CBFA2T3: variants seen among roughly 807,000 people sequenced by gnomAD.
CBFA2T3 encodes CBFA2/RUNX1 partner transcriptional co-repressor 3.
CBFA2T3 carries 31 observed loss-of-function variants against 58.6 expected under a neutral mutation model. That is an observed-to-expected ratio of 0.53 (90% CI 0.40 to 0.71). The LOEUF is 0.71. CBFA2T3 is among the 30% of genes least tolerant of loss of function. The pLI, the probability that CBFA2T3 is intolerant of heterozygous loss-of-function variation, is 0.00. For synonymous variants in CBFA2T3, 531 were observed against 421.9 expected (o/e 1.26, Z -3.17); for missense variants, 1,076 against 963.1 (o/e 1.12, Z -1.55).
At chr16:88,903,507 C>T (rs1970180381) in intron 1 of CBFA2T3, among the ~76,000 whole-genome samples, 1 of 152,206 alleles carries the variant, frequency 6.6e-6, no homozygotes, top group Non-Finnish European at 1.5e-5. Context: ...CCTGGCCACC[C>T]GCCTGTCCGG....
At chr16:88,907,953 G>C (rs1203689389) in intron 1 of CBFA2T3, among the ~76,000 whole-genome samples, 2 of 152,206 alleles carry the variant, frequency 1.3e-5, no homozygotes, top group South Asian at 4.1e-4. Flanking sequence ...GAACTGGTCA[G>C]ATGTCTAAAG....
intron 1 of CBFA2T3, among the ~76,000 whole-genome samples, chr16:88,918,023 G>C (rs1970794755): frequency 6.6e-6 from 1 of 152,124 alleles, no homozygotes; most frequent in Non-Finnish European, 1.5e-5. Context: ...GGAGTGGACA[G>C]CCTGGGCTGG....
chr16:88,953,406 C>T lies in CBFA2T3; in HGVS notation c.151+23251G>A, dbSNP rs1972129937. ...CACCCAGATGGTGAGCTGGCCCTGC[C>T]CTGGAGACACTGTGTCCAGAGGCCA... On this transcript the variant is annotated intron_variant, in intron 1 of 11. Transcript: ENST00000268679. The surrounding 1 kb of genome is among the most constrained non-coding windows in gnomAD (Gnocchi z 4.9). Among the ~76,000 whole-genome samples, 2 of 152,216 alleles carry T rather than the reference C, an allele frequency of 1.3e-5. No individual in the cohort carries two copies. The highest frequency in any genetic ancestry group is 2.9e-5 in the Non-Finnish European group (2 of 68,028).
Position 88,904,748 on chromosome 16 carries a change from G to C in CBFA2T3, c.152-3092C>G, listed in dbSNP as rs75920517. 2.0e-4 allele frequency among the ~76,000 whole-genome samples: 31 copies of C among 152,064 alleles called. No individual in the cohort carries two copies. The East Asian group carries it at 4.1e-3, about 20-fold the overall frequency. ...CGGATTGTGCGGGGGCAGCTGTGCA[G>C]GTGATGGGACCTCACGGGTGTCTGT... On this transcript the variant is annotated intron_variant, in intron 1 of 11. Transcript: ENST00000268679.
At chr16:88,912,334 CCTGGGGCCAG>C (rs1970557189) in intron 1 of CBFA2T3, among the ~76,000 whole-genome samples, 2 of 152,236 alleles carry the variant, frequency 1.3e-5, no homozygotes, top group Non-Finnish European at 1.5e-5. Flanking sequence ...TGCTGTGCGT[CCTGGGGCCAG>C]ATGGGGACAG....
chr16:88,961,459 C>T (rs1041225189), intron 1 of CBFA2T3, among the ~76,000 whole-genome samples: 1 of 150,256 alleles, frequency 6.7e-6, no homozygotes, highest in South Asian at 2.1e-4. Context: ...GCATAGTAAC[C>T]GACAGTCAGC....
intron 2 of CBFA2T3, among the ~76,000 whole-genome samples, chr16:88,900,108 C>G (rs1311942131): frequency 1.3e-5 from 2 of 152,134 alleles, no homozygotes; most frequent in Non-Finnish European, 2.9e-5. Flanking sequence ...CGCCGTCCCC[C>G]AGGACCTGCA....
intron 1 of CBFA2T3, among the ~76,000 whole-genome samples, chr16:88,973,817 C>T (rs932422454): frequency 5.3e-5 from 8 of 149,622 alleles, no homozygotes; most frequent in African/African-American, 1.7e-4. Context: ...TGGGCTCCAG[C>T]CAGGGCTCAA....
At chr16:88,892,132 C>T (rs142429593) in intron 4 of CBFA2T3, 112 bp downstream of exon 4, 48 of 1,438,914 alleles carry the variant, frequency 3.3e-5, no homozygotes, top group Non-Finnish European at 4.1e-5. Context: ...GGGAGCGGGT[C>T]CACGCCCGGT....
At chr16:88,935,847 G>A (rs1433338460) in intron 1 of CBFA2T3, among the ~76,000 whole-genome samples, 1 of 152,230 alleles carries the variant, frequency 6.6e-6, no homozygotes, top group Non-Finnish European at 1.5e-5. Flanking sequence ...CAGCCCGAAG[G>A]GGTAAATGCC....
intron 8 of CBFA2T3, among the ~76,000 whole-genome samples, chr16:88,882,135 G>C (rs1040074955): frequency 6.6e-6 from 1 of 152,240 alleles, no homozygotes; most frequent in Non-Finnish European, 1.5e-5. Context: ...CTGGGAGGAG[G>C]GGGGCTCAGG....
chr16:88,930,124 G>T (rs1269188468), intron 1 of CBFA2T3, among the ~76,000 whole-genome samples: 1 of 145,918 alleles, frequency 6.9e-6, no homozygotes. Context: ...ACCCAGAGCT[G>T]CATGGTCCAC....
chr16:88,923,477 C>G (rs956987511), intron 1 of CBFA2T3, among the ~76,000 whole-genome samples: 9 of 152,266 alleles, frequency 5.9e-5, no homozygotes, highest in African/African-American at 1.9e-4. Flanking sequence ...GCCACATCCA[C>G]TGCCACCAGA....
Position 88,976,666 on chromosome 16 carries a change from C to T in CBFA2T3, c.142G>A (p.Gly48Ser). The change falls in exon 1 of 12, where the codon GGC (glycine) becomes AGC (serine). Residue 48 changes from glycine (G) to serine (S), a missense_variant. By Grantham distance (56) the Gly-to-Ser change is moderately conservative. Coordinates refer to ENST00000268679, the MANE Select transcript of CBFA2T3 (RefSeq NM_005187.6). ...GCSAPRGPRKGGPAPVDRKAK... is the reference protein window; with the variant it reads ...GCSAPRGPRKSGPAPVDRKAK... ...CCCTCGAGCCTCTTACCTGGGCCGCCCTTCCTGGGACCCCGGGGTGCGGAG... is the reference window on the plus strand; with the variant it reads ...CCCTCGAGCCTCTTACCTGGGCCGCTCTTCCTGGGACCCCGGGGTGCGGAG... The T allele has an allele frequency of 6.4e-7, 1 of 1,562,438 alleles. No homozygotes were observed. Among genetic ancestry groups the T allele is most frequent in the Non-Finnish European group, 8.7e-7 (1 of 1,153,322 alleles).
rs148001181 is a variant in CBFA2T3, at chr16:88,889,973, G to A, written c.711+1909C>T. Reference sequence around the variant, plus strand: ...CGATTCCTCCTCCTCCAGGGACGACGCCCCGTGATTCCTCCTCCTCCAGGG... The same window carrying A: ...CGATTCCTCCTCCTCCAGGGACGACACCCCGTGATTCCTCCTCCTCCAGGG... On this transcript the variant is annotated intron_variant, in intron 5 of 11. Transcript: ENST00000268679. Among the ~76,000 whole-genome samples, 318 of 139,378 alleles carry A rather than the reference G, an allele frequency of 2.3e-3. 14 individuals carry two copies. The highest frequency in any genetic ancestry group is 8.6e-3 in the African/African-American group (304 of 35,444). 91.4% of individuals were successfully genotyped at this position (139,378 alleles called of 152,430 possible). A position where few individuals can be genotyped will look rare whatever the true frequency, so the allele number is the denominator to read the frequency against.
chr16:88,906,000 G>C (rs573442177), intron 1 of CBFA2T3, among the ~76,000 whole-genome samples: 1 of 151,810 alleles, frequency 6.6e-6, no homozygotes, highest in East Asian at 1.9e-4. Context: ...CCTCGGGCAA[G>C]CCACAGCCTC....
chr16:88,960,410 T>C (rs1206825482), intron 1 of CBFA2T3, among the ~76,000 whole-genome samples: 1 of 152,246 alleles, frequency 6.6e-6, no homozygotes, highest in African/African-American at 2.4e-5. Context: ...TTGAAAATCC[T>C]GGTGTGAGAA....
rs557406705 is a variant in CBFA2T3, at chr16:88,964,559, C to T, written c.151+12098G>A. Among the ~76,000 whole-genome samples the T allele has an allele frequency of 2.6e-5, 4 of 152,314 alleles. No individual in the cohort carries two copies. The East Asian group carries it at 5.8e-4, about 22-fold the overall frequency. On this transcript the variant is annotated intron_variant, in intron 1 of 11. Coordinates refer to ENST00000268679, the MANE Select transcript of CBFA2T3 (RefSeq NM_005187.6). ...TCTTCATGGGGTCTTTAATGTCCCT[C>T]GTCCCCTCTGAATCACCTGGGCTGC...
At chr16:88,907,695 C>G (rs1970385311) in intron 1 of CBFA2T3, among the ~76,000 whole-genome samples, 1 of 152,228 alleles carries the variant, frequency 6.6e-6, no homozygotes, top group African/African-American at 2.4e-5. Flanking sequence ...GAGGCACCTG[C>G]CCTCCTGGCC....
Sources: gnomAD v4.1 joint callset for allele counts (sites outside exome capture counted in the v4.1 genomes callset) on GRCh38, gnomAD v4.1.1 for gene constraint, Gnocchi (gnomAD v3.1) non-coding constraint, MANE v1.5 for transcripts, NCBI Gene and HGNC (gene_info 2026-07-23, HGNC 2026-07-21) for gene names.